ZCCHC17: variants seen among roughly 807,000 people sequenced by gnomAD.
The protein encoded by ZCCHC17 is zinc finger CCHC domain-containing protein 17.
In ZCCHC17, 18 loss-of-function variants were observed where a neutral mutation model predicts 30.6. The ratio of observed to expected loss-of-function variants is 0.59; its 90% CI spans 0.41 to 0.87. The LOEUF (loss-of-function observed/expected upper bound fraction) is 0.87. ZCCHC17 is among the 40% of genes least tolerant of loss of function. The probability of loss-of-function intolerance (pLI) is 0.00; values close to 1 mark genes in which losing one functional copy is unlikely to be tolerated. For synonymous variants in ZCCHC17, 88 were observed against 92.4 expected (o/e 0.95, Z 0.27); for missense variants, 263 against 284.2 (o/e 0.93, Z 0.54).
chr1:31,336,558 G>C (rs903580096), intron 3 of ZCCHC17, among the ~76,000 whole-genome samples: 1 of 152,088 alleles, frequency 6.6e-6, no homozygotes, highest in African/African-American at 2.4e-5. Flanking sequence ...ATGGGGTCTC[G>C]TTATGTTGAC....
intron 6 of ZCCHC17, 83 bp downstream of exon 6, chr1:31,346,823 G>C (rs751371131): frequency 6.3e-7 from 1 of 1,582,270 alleles, no homozygotes; most frequent in Non-Finnish European, 8.6e-7. Context: ...CCCAGTGTGA[G>C]TTTAGTTTAC....
intron 2 of ZCCHC17, among the ~76,000 whole-genome samples, chr1:31,311,021 C>T (rs887164671): frequency 6.6e-6 from 1 of 152,182 alleles, no homozygotes; most frequent in Non-Finnish European, 1.5e-5. Flanking sequence ...CCTGCTTCAT[C>T]GTAGCTCCTC....
At chr1:31,319,034 G>T in intron 2 of ZCCHC17, 75 bp from the exon 3 acceptor site, 1 of 1,520,542 alleles carries the variant, frequency 6.6e-7, no homozygotes, top group Non-Finnish European at 9.0e-7. Context: ...TACAGATTTG[G>T]GGAGACTAGG....
chr1:31,305,661 C>T (rs769515499), intron 1 of ZCCHC17, among the ~76,000 whole-genome samples: 8 of 151,800 alleles, frequency 5.3e-5, no homozygotes, highest in African/African-American at 1.2e-4. Context: ...AGGCTGGCCT[C>T]GAACTTCTGG....
intron 3 of ZCCHC17, among the ~76,000 whole-genome samples, chr1:31,321,711 CCCT>C (rs1646866123): frequency 6.6e-6 from 1 of 152,170 alleles, no homozygotes. Flanking sequence ...CAGTAATCTG[CCCT>C]CCTCAGCCTC....
At chr1:31,356,071 G>A (rs1166632491) in intron 7 of ZCCHC17, among the ~76,000 whole-genome samples, 1 of 152,132 alleles carries the variant, frequency 6.6e-6, no homozygotes, top group Non-Finnish European at 1.5e-5. Flanking sequence ...CCTGGCGTGT[G>A]GAAGGGCATA....
chr1:31,336,265 G>A (rs1638815121), intron 3 of ZCCHC17, among the ~76,000 whole-genome samples: 1 of 152,064 alleles, frequency 6.6e-6, no homozygotes, highest in African/African-American at 2.4e-5. Context: ...TAGAGATGGG[G>A]TTTTATCATG....
At chr1:31,333,384 G>A (rs1195734419) in intron 3 of ZCCHC17, among the ~76,000 whole-genome samples, 3 of 152,146 alleles carry the variant, frequency 2.0e-5, no homozygotes, top group East Asian at 1.9e-4. Flanking sequence ...TTAGCCGGGC[G>A]TGGTGGCAGG....
At chr1:31,328,591 G>C (rs553398506) in intron 3 of ZCCHC17, among the ~76,000 whole-genome samples, 1 of 152,252 alleles carries the variant, frequency 6.6e-6, no homozygotes, top group Admixed American at 6.5e-5. Context: ...ATAGGATTCA[G>C]TACTATTCTT....
chr1:31,352,083 T>A (rs1013672998), intron 7 of ZCCHC17, among the ~76,000 whole-genome samples: 8 of 152,224 alleles, frequency 5.3e-5, no homozygotes, highest in African/African-American at 1.4e-4. Flanking sequence ...TTTCCACATT[T>A]GGCCCTGTCT....
At chr1:31,302,152 C>T (rs112094409) in intron 1 of ZCCHC17, among the ~76,000 whole-genome samples, 214 of 152,186 alleles carry the variant, frequency 1.4e-3, no homozygotes, top group African/African-American at 4.1e-3. Flanking sequence ...CACTTGAACC[C>T]GGGAAGTGGA....
intron 4 of ZCCHC17, among the ~76,000 whole-genome samples, chr1:31,338,134 CTTTTTTT>C (rs745793056): frequency 7.9e-6 from 1 of 126,366 alleles, no homozygotes; most frequent in Non-Finnish European, 1.7e-5. Flanking sequence ...TAAACCTGGC[CTTTTTTT>C]TTTTTTTTTT....
chr1:31,297,893 G>C (rs1646205774), intron 1 of ZCCHC17, among the ~76,000 whole-genome samples: 1 of 152,234 alleles, frequency 6.6e-6, no homozygotes, highest in African/African-American at 2.4e-5. Context: ...CAGTGTGGCT[G>C]GTACAAAGAG....
chr1:31,303,650 TA>T (rs1302177194), intron 1 of ZCCHC17, among the ~76,000 whole-genome samples: 4 of 152,192 alleles, frequency 2.6e-5, no homozygotes, highest in Admixed American at 6.5e-5. Flanking sequence ...ATGTGTACTT[TA>T]AAATTTTTTT....
intron 5 of ZCCHC17, 49 bp downstream of exon 5, chr1:31,339,097 TA>T (rs1356359651): frequency 3.5e-6 from 5 of 1,409,208 alleles, no homozygotes; most frequent in Admixed American, 2.0e-5. Flanking sequence ...TCCCAAATCA[TA>T]AAATGGTTTA....
intron 1 of ZCCHC17, among the ~76,000 whole-genome samples, chr1:31,302,418 C>T (rs1646339082): frequency 6.6e-6 from 1 of 152,108 alleles, no homozygotes; most frequent in South Asian, 2.1e-4. Context: ...TACCAGACCC[C>T]AGGAACACAA....
intron 2 of ZCCHC17, among the ~76,000 whole-genome samples, chr1:31,312,588 T>C (rs1434548552): frequency 5.9e-5 from 9 of 152,274 alleles, no homozygotes; most frequent in Non-Finnish European, 7.4e-5. Flanking sequence ...GGAGGTTCCA[T>C]TTATTCACAG....
At chr1:31,302,575 G>A (rs577999856) in intron 1 of ZCCHC17, among the ~76,000 whole-genome samples, 1 of 152,222 alleles carries the variant, frequency 6.6e-6, no homozygotes, top group African/African-American at 2.4e-5. Context: ...ACAAAATTTA[G>A]ATTTAGACCG....
intron 6 of ZCCHC17, among the ~76,000 whole-genome samples, chr1:31,348,533 G>A (rs913806905): frequency 6.6e-6 from 1 of 152,076 alleles, no homozygotes; most frequent in Non-Finnish European, 1.5e-5. Flanking sequence ...AAATTAATAA[G>A]CCCCATTGTT....
Sources: gnomAD v4.1 joint callset for allele counts (sites outside exome capture counted in the v4.1 genomes callset) on GRCh38, gnomAD v4.1.1 for gene constraint, MANE v1.5 for transcripts, NCBI Gene and HGNC (gene_info 2026-07-23, HGNC 2026-07-21) for gene names.